The following SPAG9 variants were observed in gnomAD, a reference collection of about 807,000 sequenced individuals.
The protein encoded by SPAG9 is sperm associated antigen 9.
SPAG9 carries 35 observed loss-of-function variants against 166.5 expected under a neutral mutation model. The observed-to-expected ratio is 0.21, with a 90% CI of 0.16 to 0.28. The LOEUF (loss-of-function observed/expected upper bound fraction) is 0.28. Among genes scored for constraint, SPAG9 ranks in the 10% least tolerant of loss-of-function variants. The pLI is 1.00. For missense variants in SPAG9, 1,235 were observed against 1,603.3 expected (o/e 0.77, Z 3.92); for synonymous variants, 534 against 565.5 (o/e 0.94, Z 0.79).
intron 28 of SPAG9, 54 bp from the exon 29 acceptor site, chr17:50,970,910 TTTG>T: frequency 3.4e-6 from 5 of 1,488,586 alleles, no homozygotes; most frequent in South Asian, 1.2e-5. Flanking sequence ...GGGAGGCTGT[TTTG>T]TTTTTTTTTT....
chr17:51,049,011 T>G (rs1204643642), intron 3 of SPAG9, among the ~76,000 whole-genome samples: 1 of 152,122 alleles, frequency 6.6e-6, no homozygotes, highest in Non-Finnish European at 1.5e-5. Context: ...GGAACAAAAA[T>G]CAAACTGAAA....
chr17:51,005,900 G>A (rs2045198084), intron 11 of SPAG9, among the ~76,000 whole-genome samples, 185 bp downstream of exon 11: 1 of 152,204 alleles, frequency 6.6e-6, no homozygotes, highest in Non-Finnish European at 1.5e-5. Context: ...TAGATGACAG[G>A]CTAACAACTG....
At chr17:50,998,659 G>A (rs1258463848) in intron 14 of SPAG9, 42 bp from the exon 15 acceptor site, 1 of 1,552,210 alleles carries the variant, frequency 6.4e-7, no homozygotes, top group Non-Finnish European at 8.8e-7. Flanking sequence ...TGTACTATGA[G>A]AAACAATCCT....
Position 50,985,722 on chromosome 17 carries a change from A to C in SPAG9, c.2996T>G (p.Leu999Arg). The C allele has an allele frequency of 6.2e-7, 1 of 1,605,270 alleles. No homozygotes were observed. Among genetic ancestry groups the C allele is most frequent in the Non-Finnish European group, 8.5e-7 (1 of 1,173,002 alleles). ...CACAATACTGAGAATCGAATCTTTA[A>C]GTTTAATGGAATGGAGACATTTCCT... Reference protein sequence around the residue: ...QWRKCLHSIKLKDSILSIVHV... With the variant: ...QWRKCLHSIKRKDSILSIVHV... The change falls in exon 23 of 30, where the codon CTT becomes CGT. Residue 999 changes from leucine (L) to arginine (R), a missense_variant. By Grantham distance (102) the Leu-to-Arg change is moderately radical (BLOSUM62 -2). Coordinates refer to ENST00000262013, the MANE Select transcript of SPAG9 (RefSeq NM_001130528.3).
intron 1 of SPAG9, among the ~76,000 whole-genome samples, chr17:51,116,912 T>G (rs992305218): frequency 6.6e-6 from 1 of 152,208 alleles, no homozygotes; most frequent in Non-Finnish European, 1.5e-5. Flanking sequence ...TGTAAAATTC[T>G]AAGGAGAGCA....
At chr17:50,978,656 G>T (rs1014886711) in intron 26 of SPAG9, among the ~76,000 whole-genome samples, 1 of 152,194 alleles carries the variant, frequency 6.6e-6, no homozygotes, top group Non-Finnish European at 1.5e-5. Context: ...TCCTGATTAT[G>T]ACAGTTAGGC....
chr17:50,991,576 T>C (rs1312278818), intron 19 of SPAG9, among the ~76,000 whole-genome samples: 8 of 152,078 alleles, frequency 5.3e-5, no homozygotes, highest in Non-Finnish European at 1.2e-4. Flanking sequence ...GTGGCACTAA[T>C]ATTTACAATA....
intron 13 of SPAG9, among the ~76,000 whole-genome samples, chr17:51,000,967 A>C (rs1378338299): frequency 6.6e-6 from 1 of 152,192 alleles, no homozygotes; most frequent in African/African-American, 2.4e-5. Flanking sequence ...GCAAATTGTA[A>C]AATGATATGT....
intron 28 of SPAG9, among the ~76,000 whole-genome samples, chr17:50,971,941 T>C (rs1973856283): frequency 1.3e-5 from 2 of 152,206 alleles, no homozygotes; most frequent in East Asian, 1.9e-4. Context: ...CTAATTTTTG[T>C]ATTTTAGTAG....
rs1568065402 is a variant in SPAG9, at chr17:51,077,033, T to TATCTAG, written c.424+2550_424+2551insCTAGAT. On this transcript the variant is annotated intron_variant, in intron 2 of 29. Transcript: ENST00000262013. ...AGCTAGCTAGCTATCTAGCTATCTA[T>TATCTAG]CTAGCTATCTAGCTATCTAGCTAGC... Among the ~76,000 whole-genome samples the TATCTAG allele has an allele frequency of 5.9e-4, 56 of 94,480 alleles. 5 individuals carry two copies. The highest frequency in any genetic ancestry group is 1.1e-3 in the Non-Finnish European group (46 of 40,906). The allele number at this position is 94,480 out of a possible 152,430, so 62.0% of individuals were successfully genotyped here. A position where few individuals can be genotyped will look rare whatever the true frequency, so the allele number is the denominator to read the frequency against.
chr17:50,993,643 C>T, intron 19 of SPAG9, 121 bp downstream of exon 19: 6 of 892,838 alleles, frequency 6.7e-6, no homozygotes, highest in South Asian at 2.1e-5. Context: ...TTTAATCTTC[C>T]CTAACTAGAA....
At chr17:50,988,176 G>T (rs1975222769) in intron 21 of SPAG9, among the ~76,000 whole-genome samples, 1 of 151,940 alleles carries the variant, frequency 6.6e-6, no homozygotes, top group African/African-American at 2.4e-5. Flanking sequence ...AGATTGCACT[G>T]CTGCACTCCA....
intron 3 of SPAG9, among the ~76,000 whole-genome samples, chr17:51,056,169 G>C (rs1030824498): frequency 6.6e-6 from 1 of 152,082 alleles, no homozygotes; most frequent in African/African-American, 2.4e-5. Flanking sequence ...TACTATAGCT[G>C]CCTTAAATAA....
At chr17:50,999,455 T>C in intron 14 of SPAG9, 1 of 1,497,830 alleles carries the variant, frequency 6.7e-7, no homozygotes, top group South Asian at 1.3e-5. Context: ...TCATATTTTT[T>C]GTCCTTGAGA....
At chr17:51,044,580 TAAAAG>T (rs1392715383) in intron 4 of SPAG9, among the ~76,000 whole-genome samples, 1 of 152,204 alleles carries the variant, frequency 6.6e-6, no homozygotes, top group Non-Finnish European at 1.5e-5. Context: ...TAAAGGCAGA[TAAAAG>T]AAAAAGTACA....
chr17:51,029,157 C>T (rs1030229320), intron 6 of SPAG9, among the ~76,000 whole-genome samples: 2 of 152,054 alleles, frequency 1.3e-5, no homozygotes, highest in Admixed American at 1.3e-4. Context: ...AATGGCATGT[C>T]TGTGCATATT....
intron 22 of SPAG9, among the ~76,000 whole-genome samples, chr17:50,986,787 A>G (rs1389548019): frequency 2.0e-5 from 3 of 152,214 alleles, no homozygotes; most frequent in African/African-American, 2.4e-5. Flanking sequence ...TCTAGCCTAC[A>G]TAAATTAAAT....
At chr17:51,108,257 G>GGGT (rs1221165062) in intron 1 of SPAG9, among the ~76,000 whole-genome samples, 2 of 151,600 alleles carry the variant, frequency 1.3e-5, no homozygotes, top group East Asian at 3.9e-4. Context: ...TGTGGTGGCA[G>GGGT]GCACCTGTAG....
At chr17:51,004,867 A>C (rs542252381) in intron 12 of SPAG9, among the ~76,000 whole-genome samples, 1 of 152,336 alleles carries the variant, frequency 6.6e-6, no homozygotes, top group East Asian at 1.9e-4. Context: ...CTGTTAAATA[A>C]TTTTTATTAT....
Sources: gnomAD v4.1 joint callset for allele counts (sites outside exome capture counted in the v4.1 genomes callset) on GRCh38, gnomAD v4.1.1 for gene constraint, MANE v1.5 for transcripts, NCBI Gene and HGNC (gene_info 2026-07-23, HGNC 2026-07-21) for gene names.